Variants in CPXM2 observed in about 807,000 individuals in gnomAD.
CPXM2 encodes the protein carboxypeptidase X, M14 family member 2.
In CPXM2, 66 loss-of-function variants were observed where a neutral mutation model predicts 86.1. The ratio of observed to expected loss-of-function variants is 0.77; its 90% CI spans 0.63 to 0.94. The LOEUF is 0.94. Ranked by LOEUF, CPXM2 falls within the 40% of genes least tolerant of loss-of-function variation. The pLI, the probability that CPXM2 is intolerant of heterozygous loss-of-function variation, is 0.00. For synonymous variants in CPXM2, 388 were observed against 400.2 expected, an observed-to-expected ratio of 0.97 and a Z score of 0.36; for missense variants, 948 against 1,026.3, an observed-to-expected ratio of 0.92 and a Z score of 1.04.
At chr10:123,867,689 T>C (rs926987756) in intron 2 of CPXM2, among the ~76,000 whole-genome samples, 2 of 152,094 alleles carry the variant, frequency 1.3e-5, no homozygotes, top group Admixed American at 6.6e-5. Context: ...CCTGCAACCA[T>C]GCCCGGCTAA....
intron 2 of CPXM2, among the ~76,000 whole-genome samples, chr10:123,873,393 T>C (rs1459898512): frequency 6.6e-6 from 1 of 152,234 alleles, no homozygotes; most frequent in Non-Finnish European, 1.5e-5. Context: ...AGATATACCA[T>C]GTTCATGGAT....
At chr10:123,896,472 C>T (rs1392362331), upstream of CPXM2, among the ~76,000 whole-genome samples, 12 of 152,158 alleles carry the variant, frequency 7.9e-5, no homozygotes, top group Non-Finnish European at 8.8e-5. Context: ...GTGATGTCCT[C>T]AATCTCATTA....
At chr10:123,871,240 A>G (rs7904920) in intron 2 of CPXM2, among the ~76,000 whole-genome samples, 108,191 of 152,156 alleles carry the variant, frequency 0.71, 40,266 homozygotes, top group African/African-American at 0.9. Flanking sequence ...CACTGTTACC[A>G]TGGTAGTTTA....
chr10:123,938,355 G>A (rs543916405), intron 2 of CPXM2, among the ~76,000 whole-genome samples: 3 of 152,322 alleles, frequency 2.0e-5, no homozygotes, highest in East Asian at 3.9e-4. Context: ...TCTGGAGGTA[G>A]ATAGGTGCAG....
rs1196066993 is a variant in CPXM2 at position 123,757,281 on chromosome 10, G to A, written c.1849C>T (p.Pro617Ser). Residue 617 changes from proline to serine, a missense_variant, in exon 12 of 14, where the codon CCA (proline) becomes TCA (serine). Physicochemically the swap from Pro to Ser is moderately conservative, Grantham distance 74. Coordinates refer to ENST00000241305, the MANE Select transcript of CPXM2 (RefSeq NM_198148.3). ...LSIYVGCDKY[P>S]HESQLPEEWE... ...TCCTCGGGCAGCTGGCTCTCATGTG[G>A]GTATTTATCACAGCCCACGTAGATG... 6.2e-7 allele frequency: 1 copy of A among 1,613,484 alleles called. No homozygotes were observed. The highest frequency in any genetic ancestry group is 8.5e-7 in the Non-Finnish European group (1 of 1,179,436).
intron 13 of CPXM2, among the ~76,000 whole-genome samples, chr10:123,749,020 C>T (rs1032701338): frequency 1.2e-4 from 18 of 152,182 alleles, no homozygotes; most frequent in Admixed American, 2.6e-4. Context: ...CTGGACTGAA[C>T]GCCGAACAGG....
At chr10:123,762,483 C>T (rs545457937) in intron 10 of CPXM2, among the ~76,000 whole-genome samples, 112 of 152,068 alleles carry the variant, frequency 7.4e-4, no homozygotes, top group African/African-American at 2.7e-3. Flanking sequence ...AATGGTAATG[C>T]CTTATGTTTG....
chr10:123,766,914 C>T (rs986968290), intron 10 of CPXM2, 59 bp downstream of exon 10: 4 of 1,342,144 alleles, frequency 3.0e-6, no homozygotes, highest in African/African-American at 2.9e-5. Context: ...TCTGCAAATA[C>T]CAATGGAGGT....
At chr10:123,940,550 G>T (rs1488192123), upstream of CPXM2, among the ~76,000 whole-genome samples, 1 of 152,154 alleles carries the variant, frequency 6.6e-6, no homozygotes, top group Non-Finnish European at 1.5e-5. Context: ...GTGGGCCTTG[G>T]CTCCGGCTCT....
At chr10:123,893,577 C>T (rs1017356827), upstream of CPXM2, among the ~76,000 whole-genome samples, 3 of 152,164 alleles carry the variant, frequency 2.0e-5, no homozygotes, top group East Asian at 1.9e-4. Context: ...GCTCTGGAAT[C>T]CAGAGCCAGC....
intron 4 of CPXM2, 21 bp from the exon 5 acceptor site, chr10:123,799,220 A>G (rs1239387717): frequency 1.2e-6 from 2 of 1,613,032 alleles, no homozygotes; most frequent in Non-Finnish European, 1.7e-6. Flanking sequence ...ATAAAACATC[A>G]TTAGGACTAC....
intron 1 of CPXM2, among the ~76,000 whole-genome samples, chr10:123,883,177 A>G (rs2134237526): frequency 1.3e-5 from 2 of 152,326 alleles, no homozygotes; most frequent in East Asian, 3.9e-4. Context: ...AGGTCCTACT[A>G]CACTGACAGT....
chr10:123,795,342 CAT>C (rs146521592), intron 6 of CPXM2, among the ~76,000 whole-genome samples: 72 of 152,248 alleles, frequency 4.7e-4, no homozygotes, highest in Non-Finnish European at 8.2e-4. Flanking sequence ...AAACATTATG[CAT>C]AGAGTCTTAA....
intron 3 of CPXM2, among the ~76,000 whole-genome samples, chr10:123,861,281 A>G (rs1848843982): frequency 6.6e-6 from 1 of 152,138 alleles, no homozygotes; most frequent in Non-Finnish European, 1.5e-5. Flanking sequence ...GGGCTTGGAA[A>G]CTACTCCCAA....
intron 2 of CPXM2, among the ~76,000 whole-genome samples, chr10:123,898,368 C>T (rs1400128598): frequency 1.3e-5 from 2 of 152,264 alleles, no homozygotes; most frequent in East Asian, 1.9e-4. Context: ...GCAAGAAGAT[C>T]GCTTAAGCCC....
intron 4 of CPXM2, among the ~76,000 whole-genome samples, chr10:123,823,605 G>A (rs1407262101): frequency 6.6e-6 from 1 of 152,016 alleles, no homozygotes; most frequent in Non-Finnish European, 1.5e-5. Flanking sequence ...ACAAAACTTG[G>A]CAATATAACT....
intron 3 of CPXM2, among the ~76,000 whole-genome samples, chr10:123,859,255 G>A (rs1312120420): frequency 1.3e-5 from 2 of 152,256 alleles, no homozygotes; most frequent in Non-Finnish European, 2.9e-5. Flanking sequence ...GAGACAAGAT[G>A]TGGTTATTTT....
chr10:123,841,614 T>C (rs1848387916), intron 4 of CPXM2, among the ~76,000 whole-genome samples: 1 of 152,242 alleles, frequency 6.6e-6, no homozygotes, highest in Non-Finnish European at 1.5e-5. Context: ...AGTGTTTGTC[T>C]TTTGTGACTG....
chr10:123,766,375 T>C (rs1284322024), intron 10 of CPXM2, among the ~76,000 whole-genome samples: 5 of 152,198 alleles, frequency 3.3e-5, no homozygotes, highest in Non-Finnish European at 7.3e-5. Context: ...TAACACTAAC[T>C]TATATATCAA....
Sources: allele counts gnomAD v4.1 joint callset (sites outside exome capture counted in the v4.1 genomes callset), GRCh38; gene constraint gnomAD v4.1.1; transcripts MANE v1.5; gene names NCBI Gene and HGNC (gene_info 2026-07-23, HGNC 2026-07-21).